CCDC34: variants seen among roughly 807,000 people sequenced by gnomAD.
CCDC34 encodes coiled-coil domain-containing protein 34.
CCDC34 carries 40 observed loss-of-function variants against 44.1 expected under a neutral mutation model. That is an observed-to-expected ratio of 0.91 (90% CI 0.70 to 1.18). The LOEUF (loss-of-function observed/expected upper bound fraction) is 1.18, where lower values mean the gene tolerates loss of function less well. CCDC34 is among the 50% of genes most tolerant of loss of function. The probability of loss-of-function intolerance (pLI) is 0.00; values close to 1 mark genes in which losing one functional copy is unlikely to be tolerated. For missense variants in CCDC34, 466 were observed against 452.3 expected (o/e 1.03, Z -0.28); for synonymous variants, 159 against 158.2 (o/e 1.01, Z -0.04).
intron 3 of CCDC34, among the ~76,000 whole-genome samples, chr11:27,347,555 T>C (rs1406183435): frequency 2.6e-5 from 4 of 152,120 alleles, no homozygotes; most frequent in Non-Finnish European, 4.4e-5. Context: ...TAGAATACTA[T>C]AGTCAGCAAT....
At position 27,357,442 on chromosome 11, in the gene CCDC34, T is replaced by G. The variant is rs752428338; in HGVS notation, c.459A>C (p.Glu153Asp). ...GTTGCAGCCGGTCACGTTCTTCTTT[T>G]TCTTTGCCAATAAACCACACCTCCC... is the stretch of plus-strand genomic sequence containing the variant. ...TPWEVWFIGK[E>D]KEERDRLQLK... Residue 153 changes from glutamate to aspartate, a missense_variant, in exon 2 of 6, where the codon GAA (glutamate) becomes GAC (aspartate). Glu to Asp is a conservative substitution (Grantham distance 45). Transcript: ENST00000328697. The G allele has an allele frequency of 1.9e-6, 3 of 1,613,904 alleles. No homozygotes were observed. In the African/African-American group the frequency reaches 4.0e-5, roughly 22 times the overall value.
chr11:27,349,725 A>C, intron 3 of CCDC34: 1 of 976,808 alleles, frequency 1.0e-6, no homozygotes, highest in Non-Finnish European at 1.2e-6. Context: ...TCACTCAATT[A>C]AACTATTTTT....
intron 3 of CCDC34, among the ~76,000 whole-genome samples, chr11:27,345,326 G>A (rs1412079023): frequency 6.6e-6 from 1 of 151,946 alleles, no homozygotes; most frequent in Non-Finnish European, 1.5e-5. Flanking sequence ...GGGTACATGT[G>A]CACAACGTGC....
At chr11:27,350,495 A>T in intron 2 of CCDC34, 56 bp from the exon 3 acceptor site, 1 of 1,475,480 alleles carries the variant, frequency 6.8e-7, no homozygotes, top group Non-Finnish European at 9.1e-7. Flanking sequence ...CAAATAACAT[A>T]CATTTTAAAA....
At chr11:27,356,948 G>GGTGGGGTTGGGGGTGGTGGGGTGGGGT (rs1862586447) in intron 2 of CCDC34, among the ~76,000 whole-genome samples, 1 of 140,974 alleles carries the variant, frequency 7.1e-6, no homozygotes, top group African/African-American at 2.6e-5. Context: ...TGGTGGGGGG[G>GGTGGGGTTGGGGGTGGTGGGGTGGGGT]GGCAGGTAGA....
intron 2 of CCDC34, among the ~76,000 whole-genome samples, chr11:27,353,711 C>CT (rs1054818115): frequency 1.3e-5 from 2 of 152,042 alleles, no homozygotes; most frequent in Non-Finnish European, 2.9e-5. Context: ...TGTGGATGAT[C>CT]TTTTTAATGA....
intron 5 of CCDC34, among the ~76,000 whole-genome samples, chr11:27,339,286 A>C (rs2134227658): frequency 6.6e-6 from 1 of 152,320 alleles, no homozygotes; most frequent in South Asian, 2.1e-4. Flanking sequence ...TAGTGTTAAA[A>C]CCTATGTAAA....
chr11:27,338,569 TA>T lies in CCDC34; in HGVS notation c.*251del. 4.6e-6 allele frequency: 2 copies of T among 433,370 alleles called. No homozygotes were observed. The highest frequency in any genetic ancestry group is 8.1e-6 in the Non-Finnish European group (2 of 245,458). 26.8% of individuals were successfully genotyped at this position (433,370 alleles called of 1,614,324 possible). A position where few individuals can be genotyped will look rare whatever the true frequency, so the allele number is the denominator to read the frequency against. ...CAGTGTACTTTTAATACAAGCTAAATACAAACACAATTCTTACATATTCAGC... is the reference window on the plus strand; with the variant it reads ...CAGTGTACTTTTAATACAAGCTAAATCAAACACAATTCTTACATATTCAGC... On this transcript the variant is annotated 3_prime_UTR_variant, in exon 6 of 6. Transcript: ENST00000328697.
chr11:27,344,185 A>T (rs1178886756), intron 3 of CCDC34, among the ~76,000 whole-genome samples: 2 of 152,160 alleles, frequency 1.3e-5, no homozygotes, highest in Non-Finnish European at 2.9e-5. Flanking sequence ...TAAAAAAATG[A>T]TTTTAGAACA....
At position 27,363,173 on chromosome 11, in the gene CCDC34, C is replaced by T. The variant is rs773441723; in HGVS notation, c.22G>A (p.Gly8Arg). 2.1e-5 allele frequency: 31 copies of T among 1,490,316 alleles called. No homozygotes were observed. Among genetic ancestry groups the T allele is most frequent in the Non-Finnish European group, 2.6e-5 (29 of 1,126,492 alleles). The allele number at this position is 1,490,316 out of a possible 1,614,324, so 92.3% of individuals were successfully genotyped here. A position where few individuals can be genotyped will look rare whatever the true frequency, so the allele number is the denominator to read the frequency against. The change falls in exon 1 of 6, where the codon GGG becomes AGG. Residue 8 changes from glycine to arginine, a missense_variant. By Grantham distance (125) the Gly-to-Arg change is moderately radical. Coordinates refer to ENST00000328697, the MANE Select transcript of CCDC34 (RefSeq NM_030771.2). ...GCGTAGGAAGAGGGAAAAGTAGGCCCCCAGCGCCCCGCCGCCCACATCTGG... is the reference window on the plus strand; with the variant it reads ...GCGTAGGAAGAGGGAAAAGTAGGCCTCCAGCGCCCCGCCGCCCACATCTGG... Reference protein sequence around the residue: MWAAGRWGPTFPSSYAGF... With the variant: MWAAGRWRPTFPSSYAGF...
intron 3 of CCDC34, among the ~76,000 whole-genome samples, chr11:27,347,871 T>C (rs1590325623): frequency 6.6e-6 from 1 of 152,172 alleles, no homozygotes; most frequent in East Asian, 1.9e-4. Context: ...TTGTATTTTA[T>C]TGTATGCAAA....
chr11:27,339,068 G>A, intron 5 of CCDC34, 33 bp from the exon 6 acceptor site: 1 of 1,518,264 alleles, frequency 6.6e-7, no homozygotes, highest in Non-Finnish European at 9.0e-7. Flanking sequence ...TCAAAACAAG[G>A]AAAAACTTTC....
intron 4 of CCDC34, 147 bp from the exon 5 acceptor site, chr11:27,340,984 A>G: frequency 1.5e-6 from 1 of 663,728 alleles, no homozygotes; most frequent in Non-Finnish European, 2.5e-6. Flanking sequence ...TAATATGAGT[A>G]GAATATTGAA....
At chr11:27,356,293 G>C (rs1171320148) in intron 2 of CCDC34, among the ~76,000 whole-genome samples, 1 of 151,770 alleles carries the variant, frequency 6.6e-6, no homozygotes, top group Admixed American at 6.6e-5. Context: ...TGGCATTACA[G>C]GTGTGAGCCG....
chr11:27,349,025 TA>T (rs1352434157), intron 3 of CCDC34: 1 of 984,304 alleles, frequency 1.0e-6, no homozygotes, highest in African/African-American at 1.7e-5. Flanking sequence ...TGCCACTAAT[TA>T]AAACAGTGAA....
intron 1 of CCDC34, among the ~76,000 whole-genome samples, chr11:27,359,654 A>G (rs1862633566): frequency 6.6e-6 from 1 of 152,070 alleles, no homozygotes; most frequent in South Asian, 2.1e-4. Context: ...ACGCCCAGCT[A>G]AGCTATGTAC....
intron 3 of CCDC34, among the ~76,000 whole-genome samples, chr11:27,348,084 C>A (rs1421121687): frequency 6.6e-6 from 1 of 152,074 alleles, no homozygotes; most frequent in Non-Finnish European, 1.5e-5. Context: ...ACACAGAGCA[C>A]AACAATAAAT....
chr11:27,349,895 A>C, intron 3 of CCDC34: 1 of 1,005,334 alleles, frequency 9.9e-7, no homozygotes, highest in African/African-American at 1.7e-5. Context: ...TAGTAATTGT[A>C]AAGAAAAGGA....
intron 3 of CCDC34, among the ~76,000 whole-genome samples, chr11:27,348,533 T>C (rs1353512075): frequency 6.6e-6 from 1 of 152,220 alleles, no homozygotes; most frequent in African/African-American, 2.4e-5. Flanking sequence ...AGTCATATTA[T>C]AAGAAACTAG....
Sources: allele counts gnomAD v4.1 joint callset (sites outside exome capture counted in the v4.1 genomes callset), GRCh38; gene constraint gnomAD v4.1.1; transcripts MANE v1.5; gene names NCBI Gene and HGNC (gene_info 2026-07-23, HGNC 2026-07-21).